Variants in ARSG observed in about 807,000 individuals in gnomAD.
ARSG encodes ASG.
ARSG carries 37 observed loss-of-function variants against 50.5 expected under a neutral mutation model. The observed-to-expected ratio is 0.73, with a 90% confidence interval of 0.56 to 0.96. The LOEUF is 0.96. Ranked by LOEUF, ARSG falls within the 50% of genes least tolerant of loss-of-function variation. The pLI, the probability that ARSG is intolerant of heterozygous loss-of-function variation, is 0.00. For synonymous variants in ARSG, 225 were observed against 254.6 expected (o/e 0.88, Z 1.11); for missense variants, 629 against 675.3 (o/e 0.93, Z 0.76).
At chr17:68,273,962 A>G (rs868975333) in intron 1 of ARSG, 1 of 1,613,922 alleles carries the variant, frequency 6.2e-7, no homozygotes, top group Non-Finnish European at 8.5e-7. Flanking sequence ...CATATGAGAA[A>G]CCTCTTGTGA....
At chr17:68,297,031 C>T (rs186607173) in intron 1 of ARSG, among the ~76,000 whole-genome samples, 65 of 152,272 alleles carry the variant, frequency 4.3e-4, no homozygotes, top group Admixed American at 3.4e-3. Flanking sequence ...CCTTCTGGGC[C>T]GGGTGCCGGA....
the ARSG span, chr17:68,435,732 A>G: frequency 2.4e-4 from 391 of 1,608,404 alleles, no homozygotes; most frequent in Non-Finnish European, 3.2e-4. Flanking sequence ...AAAAGGAAAA[A>G]TGGATACAGA....
At chr17:68,356,233 A>G (rs2079026154) in intron 5 of ARSG, among the ~76,000 whole-genome samples, 1 of 152,174 alleles carries the variant, frequency 6.6e-6, no homozygotes, top group Non-Finnish European at 1.5e-5. Flanking sequence ...TGAAGTCCCA[A>G]TTGTTGACTT....
chr17:68,394,235 A>T (rs2081130811), intron 9 of ARSG, among the ~76,000 whole-genome samples: 1 of 152,208 alleles, frequency 6.6e-6, no homozygotes, highest in South Asian at 2.1e-4. Context: ...TGCAAAAGTT[A>T]TGGCCACAGT....
At chr17:68,451,815 A>G in the ARSG span, among the ~76,000 whole-genome samples, 1 of 152,210 alleles carries the variant, frequency 6.6e-6, no homozygotes, top group Non-Finnish European at 1.5e-5. Flanking sequence ...TTCTGTACTC[A>G]GGAAGAAGTT....
intron 9 of ARSG, among the ~76,000 whole-genome samples, chr17:68,391,579 T>A (rs1324809127): frequency 6.6e-6 from 1 of 152,140 alleles, no homozygotes; most frequent in African/African-American, 2.4e-5. Flanking sequence ...CGAACGCAGA[T>A]CCTGTTTCTC....
At chr17:68,316,476 C>G (rs1747728533) in intron 2 of ARSG, among the ~76,000 whole-genome samples, 1 of 152,204 alleles carries the variant, frequency 6.6e-6, no homozygotes, top group South Asian at 2.1e-4. Context: ...GGTAGGTGCT[C>G]AAACAATAAT....
At chr17:68,398,516 C>G (rs943720883) in intron 10 of ARSG, among the ~76,000 whole-genome samples, 1 of 152,206 alleles carries the variant, frequency 6.6e-6, no homozygotes, top group Non-Finnish European at 1.5e-5. Context: ...TGTGTTCACC[C>G]TCAGATACAT....
chr17:68,322,818 C>G (rs886549944), intron 2 of ARSG, among the ~76,000 whole-genome samples: 19 of 152,100 alleles, frequency 1.2e-4, no homozygotes, highest in African/African-American at 4.3e-4. Context: ...ATACAACAGA[C>G]TGTATGGCTT....
Position 68,324,769 on chromosome 17 carries a change from T to C in ARSG, c.218+17058T>C, listed in dbSNP as rs192997106. On this transcript the variant is annotated intron_variant, in intron 2 of 11. Transcript: ENST00000621439. ...AGAAATATGTGTAACATGAGTAGAG[T>C]AGTAGCCACTTGGTACGTGTTAGAT... Among the ~76,000 whole-genome samples the C allele has an allele frequency of 3.3e-5, 5 of 152,236 alleles. No individual in the cohort carries two copies. The East Asian group carries it at 9.7e-4, about 29-fold the overall frequency.
chr17:68,312,334 A>AT (rs1319342280), intron 2 of ARSG, among the ~76,000 whole-genome samples: 1 of 152,130 alleles, frequency 6.6e-6, no homozygotes, highest in Admixed American at 6.5e-5. Flanking sequence ...GTCACCCCAA[A>AT]TTTTGCATGT....
chr17:68,372,681 G>A (rs1036249521), intron 8 of ARSG, among the ~76,000 whole-genome samples: 5 of 152,058 alleles, frequency 3.3e-5, no homozygotes, highest in African/African-American at 9.7e-5. Flanking sequence ...CATGAGATTT[G>A]GGTGGGGACA....
chr17:68,420,421 C>G lies in ARSG; in HGVS notation c.1536C>G (p.Cys512Trp), dbSNP rs770405830. The G allele has an allele frequency of 6.2e-7, 1 of 1,614,208 alleles. No homozygotes were observed. The highest frequency in any genetic ancestry group is 2.2e-5 in the East Asian group (1 of 44,886). Residue 512 changes from cysteine (C) to tryptophan (W), a missense_variant, in exon 12 of 12, where the codon TGC (cysteine) becomes TGG (tryptophan). By Grantham distance (215) the Cys-to-Trp change is radical. Coordinates refer to ENST00000621439, the MANE Select transcript of ARSG (RefSeq NM_001267727.2). ...DYTQDPSVTP[C>W]CNPYQIACRC... Reference sequence around the variant, plus strand: ...CTCAGGACCCTTCAGTAACTCCCTGCTGTAATCCCTACCAAATTGCCTGCC... The same window carrying G: ...CTCAGGACCCTTCAGTAACTCCCTGGTGTAATCCCTACCAAATTGCCTGCC...
At chr17:68,345,492 T>A (rs182100792) in intron 3 of ARSG, among the ~76,000 whole-genome samples, 3 of 152,190 alleles carry the variant, frequency 2.0e-5, no homozygotes, top group African/African-American at 7.2e-5. Context: ...CTTGACTGTT[T>A]AGCTGCATTC....
chr17:68,292,845 G>A (rs1231315345), intron 1 of ARSG, among the ~76,000 whole-genome samples: 1 of 152,190 alleles, frequency 6.6e-6, no homozygotes, highest in African/African-American at 2.4e-5. Context: ...GTACAGCCAA[G>A]GGGCCGCTGA....
At chr17:68,389,377 C>T (rs543899899) in intron 9 of ARSG, among the ~76,000 whole-genome samples, 26 of 152,190 alleles carry the variant, frequency 1.7e-4, no homozygotes, top group African/African-American at 4.3e-4. Context: ...AAGAGGGACT[C>T]GTGTGTGGAT....
chr17:68,265,216 G>A (rs1179568818), intron 1 of ARSG, among the ~76,000 whole-genome samples: 18 of 150,552 alleles, frequency 1.2e-4, no homozygotes, highest in Admixed American at 4.0e-4. Flanking sequence ...CTATAATGTC[G>A]GGCACGGTGA....
Position 68,271,859 on chromosome 17 carries a change from G to T in ARSG, c.-552+12433G>T, listed in dbSNP as rs138058488. 4.8e-3 allele frequency among the ~76,000 whole-genome samples: 730 copies of T among 152,294 alleles called. 7 individuals are homozygous for T. The highest frequency in any genetic ancestry group is 7.4e-3 in the Non-Finnish European group (502 of 68,022). ...CACTCTGTCACCAGGCTGGAGTGCA[G>T]TGGCCTGATCTCAGCTCACCGCAAC... On this transcript the variant is annotated intron_variant, in intron 1 of 11. Coordinates refer to the ARSG transcript ENST00000448504. The surrounding 1 kb of genome is among the most constrained non-coding windows in gnomAD (Gnocchi z 5.3).
chr17:68,385,158 C>A lies in ARSG; in HGVS notation c.1077C>A (p.Ser359Arg). 1 of 1,613,842 alleles carries A rather than the reference C, an allele frequency of 6.2e-7. No individual in the cohort carries two copies. The highest frequency in any genetic ancestry group is 1.3e-5 in the African/African-American group (1 of 75,016). The change falls in exon 9 of 12, where the codon AGC becomes AGA. Residue 359 changes from serine (S) to arginine (R), a missense_variant. By Grantham distance (110) the Ser-to-Arg change is moderately radical. Coordinates refer to ENST00000621439, the MANE Select transcript of ARSG (RefSeq NM_001267727.2). ...WPGRVPVNVT[S>R]TALLSVLDIF... ...GCAGAGTTCCAGTTAATGTCACCAGCACTGCCTTGTTAAGGTATGAGACCA... is the reference window on the plus strand; with the variant it reads ...GCAGAGTTCCAGTTAATGTCACCAGAACTGCCTTGTTAAGGTATGAGACCA...
Sources: gnomAD v4.1 joint callset for allele counts (sites outside exome capture counted in the v4.1 genomes callset) on GRCh38, gnomAD v4.1.1 for gene constraint, Gnocchi (gnomAD v3.1) non-coding constraint, MANE v1.5 for transcripts, NCBI Gene and HGNC (gene_info 2026-07-23, HGNC 2026-07-21) for gene names.